Variants in LTBP2 observed in about 807,000 individuals in gnomAD.
The protein encoded by LTBP2 is latent-transforming growth factor beta-binding protein 2.
A neutral mutation model predicts 210.6 loss-of-function variants in LTBP2; 103 were observed. The observed-to-expected ratio is 0.49, with a 90% CI of 0.42 to 0.58. The LOEUF is 0.58. Ranked by LOEUF, LTBP2 falls within the 20% of genes least tolerant of loss-of-function variation. LTBP2 has a pLI of 0.00. For synonymous variants in LTBP2, 1,007 were observed against 1,015.0 expected (o/e 0.99, Z 0.15); for missense variants, 2,313 against 2,494.5 (o/e 0.93, Z 1.55).
chr14:74,504,646 C>T, intron 30 of LTBP2, 132 bp downstream of exon 30: 1 of 832,576 alleles, frequency 1.2e-6, no homozygotes. Context: ...GGGAGTCAGC[C>T]CTGGGACAGA....
At position 74,506,801 on chromosome 14, in the gene LTBP2, G is replaced by A; in HGVS notation, c.3930C>T (p.Asp1310=). ...AGAAGCCGTGGCTGCCACACATGGT[G>A]TCGTTGGCGCACTCGTCTATGTCTG... ...DCIDIDECAN[D]TMCGSHGFCD... Residue 1310 remains aspartate (D), a synonymous_variant, in exon 27 of 36, where the codon GAC becomes GAT. Transcript: ENST00000261978. 6.2e-7 allele frequency: 1 copy of A among 1,614,090 alleles called. No homozygotes were observed. Among genetic ancestry groups the A allele is most frequent in the Non-Finnish European group, 8.5e-7 (1 of 1,180,028 alleles).
At position 74,611,666 on chromosome 14, in the gene LTBP2, C is replaced by T. The variant is rs1323781048; in HGVS notation, c.279G>A (p.Gly93=). Residue 93 remains glycine, a synonymous_variant, in exon 1 of 36, where the codon GGG becomes GGA. Transcript: ENST00000261978. ...QPVERAQPGW[G]SPRRPTEAEA... is the part of the protein sequence containing the mutation. ...CCGCCTCGGTGGGCCTCCTGGGGCT[C>T]CCCCAGCCCGGCTGGGCCCGCTCCA... The T allele has an allele frequency of 1.3e-6, 2 of 1,560,262 alleles. No homozygotes were observed. Among genetic ancestry groups the T allele is most frequent in the African/African-American group, 1.4e-5 (1 of 73,786 alleles).
chr14:74,580,959 A>AAAT (rs2088128793), intron 3 of LTBP2, among the ~76,000 whole-genome samples: 1 of 152,146 alleles, frequency 6.6e-6, no homozygotes, highest in South Asian at 2.1e-4. Context: ...TCTCAAAAAA[A>AAAT]AATAATAATA....
intron 8 of LTBP2, among the ~76,000 whole-genome samples, chr14:74,545,163 T>C (rs2087561815): frequency 6.6e-6 from 1 of 152,148 alleles, no homozygotes; most frequent in East Asian, 1.9e-4. Flanking sequence ...CCAGAATGAT[T>C]AGGGAGATCT....
intron 2 of LTBP2, 100 bp downstream of exon 2, chr14:74,603,535 G>T: frequency 8.4e-7 from 1 of 1,191,300 alleles, no homozygotes; most frequent in Non-Finnish European, 1.3e-6. Flanking sequence ...TCTGCTCCAG[G>T]TTCTGGAGTA....
chr14:74,521,222 C>T (rs2087197885), intron 17 of LTBP2, among the ~76,000 whole-genome samples: 1 of 152,148 alleles, frequency 6.6e-6, no homozygotes, highest in Admixed American at 6.5e-5. Context: ...ATGTGAGCCC[C>T]AAGCACAGGC....
At chr14:74,507,387 C>T (rs2139693498) in intron 25 of LTBP2, 77 bp from the exon 26 acceptor site, 1 of 1,588,226 alleles carries the variant, frequency 6.3e-7, no homozygotes, top group Non-Finnish European at 8.6e-7. Flanking sequence ...TCATGCCCCA[C>T]AACCTCTGGG....
intron 8 of LTBP2, 136 bp downstream of exon 8, chr14:74,549,727 G>T: frequency 1.3e-6 from 1 of 784,570 alleles, no homozygotes; most frequent in Non-Finnish European, 2.3e-6. Flanking sequence ...TTCAAGGCAG[G>T]TCTGGGAAGT....
intron 25 of LTBP2, 87 bp downstream of exon 25, chr14:74,507,886 G>C: frequency 6.4e-7 from 1 of 1,572,700 alleles, no homozygotes; most frequent in Non-Finnish European, 8.7e-7. Flanking sequence ...TGTGGAAAGT[G>C]CTCTGCTCCA....
chr14:74,596,254 TA>T lies in LTBP2; in HGVS notation c.565+7380del, dbSNP rs1289850982. 1.6e-4 allele frequency among the ~76,000 whole-genome samples: 24 copies of T among 149,804 alleles called. No homozygotes were observed. In the South Asian group the frequency reaches 5.0e-3, roughly 31 times the overall value. On this transcript the variant is annotated intron_variant, in intron 2 of 35. Coordinates refer to ENST00000261978, the MANE Select transcript of LTBP2 (RefSeq NM_000428.3). ...ATAAATAAATAAATAAATAAATAAA[TA>T]AATAAATAAAAATTAAAAACAAAGA...
Position 74,507,982 on chromosome 14 carries a change from C to T in LTBP2, c.3766G>A (p.Glu1256Lys). ...CCCCCAGAGCCCTTACCCACACACTCTCCACTCTCTGGGGAGGGCTGGAAG... is the reference window on the plus strand; with the variant it reads ...CCCCCAGAGCCCTTACCCACACACTTTCCACTCTCTGGGGAGGGCTGGAAG... ...TGFQPSPESG[E>K]CVDIDECEDY... The change falls in exon 25 of 36, where the codon GAG becomes AAG. Residue 1256 changes from glutamate to lysine, a missense_variant. Coordinates refer to ENST00000261978, the MANE Select transcript of LTBP2 (RefSeq NM_000428.3). 1 of 1,613,478 alleles carries T rather than the reference C, an allele frequency of 6.2e-7. No individual in the cohort carries two copies. The highest frequency in any genetic ancestry group is 1.1e-5 in the South Asian group (1 of 91,066).
intron 1 of LTBP2, among the ~76,000 whole-genome samples, chr14:74,607,183 T>C (rs940265203): frequency 6.6e-6 from 1 of 152,202 alleles, no homozygotes; most frequent in South Asian, 2.1e-4. Flanking sequence ...GATTCTCTTT[T>C]TGGTGATCCT....
At position 74,501,118 on chromosome 14, in the gene LTBP2, G is replaced by C. The variant is rs537033931; in HGVS notation, c.5321-89C>G. ...CTCTGGTTAGTAAGCCCTGGCCACT[G>C]CCCTAGAGTGAAACCCTAAGTGTGA... On this transcript the variant is annotated intron_variant, in intron 35 of 35. Coordinates refer to ENST00000261978, the MANE Select transcript of LTBP2 (RefSeq NM_000428.3). The C allele has an allele frequency of 6.9e-6, 10 of 1,448,170 alleles. No individual in the cohort carries two copies. In the East Asian group the frequency reaches 2.4e-4, roughly 35 times the overall value. The allele number at this position is 1,448,170 out of a possible 1,614,324, so 89.7% of individuals were successfully genotyped here.
chr14:74,540,809 A>ATTTATATATT (rs1491126915), intron 8 of LTBP2, among the ~76,000 whole-genome samples: 9 of 63,816 alleles, frequency 1.4e-4, no homozygotes, highest in African/African-American at 4.9e-4. Context: ...ATATATATAT[A>ATTTATATATT]ATATATATAT....
At chr14:74,567,127 G>A (rs879406541) in intron 3 of LTBP2, among the ~76,000 whole-genome samples, 9 of 152,154 alleles carry the variant, frequency 5.9e-5, no homozygotes, top group African/African-American at 1.9e-4. Flanking sequence ...TCTGCGTGTC[G>A]GGGTTAATGT....
At chr14:74,517,694 C>T (rs1025136545) in intron 17 of LTBP2, among the ~76,000 whole-genome samples, 1 of 152,268 alleles carries the variant, frequency 6.6e-6, no homozygotes, top group South Asian at 2.1e-4. Context: ...TTCCTAAGGA[C>T]CTTCATAAAG....
intron 8 of LTBP2, among the ~76,000 whole-genome samples, chr14:74,540,839 T>TATATATATA (rs1201037668): frequency 5.6e-5 from 1 of 17,732 alleles, no homozygotes; most frequent in African/African-American, 7.7e-5. Flanking sequence ...TAATATATAT[T>TATATATATA]TATATATATT....
intron 9 of LTBP2, 73 bp from the exon 10 acceptor site, chr14:74,532,621 T>C (rs1047358547): frequency 1.2e-5 from 19 of 1,542,268 alleles, no homozygotes; most frequent in Admixed American, 5.4e-5. Context: ...TGGGCAGAGA[T>C]CTTCAAATAC....
At chr14:74,535,291 C>T (rs909120268) in intron 9 of LTBP2, among the ~76,000 whole-genome samples, 1 of 152,090 alleles carries the variant, frequency 6.6e-6, no homozygotes, top group Non-Finnish European at 1.5e-5. Context: ...TGGGTCAATC[C>T]CCTGTCTCTG....
Sources: allele counts gnomAD v4.1 joint callset (sites outside exome capture counted in the v4.1 genomes callset), GRCh38; gene constraint gnomAD v4.1.1; transcripts MANE v1.5; gene names NCBI Gene and HGNC (gene_info 2026-07-23, HGNC 2026-07-21).